KDM2B: variants seen among roughly 807,000 people sequenced by gnomAD.
The protein encoded by KDM2B is lysine demethylase 2B.
Under a neutral mutation model 150.0 loss-of-function variants are expected in KDM2B, and 26 were observed. The observed-to-expected ratio is 0.17, with a 90% CI of 0.13 to 0.24. The LOEUF (loss-of-function observed/expected upper bound fraction) is 0.24, where lower values mean the gene tolerates loss of function less well. KDM2B is among the 10% of genes least tolerant of loss of function. KDM2B has a pLI of 1.00. For synonymous variants in KDM2B, 734 were observed against 729.5 expected (o/e 1.01, Z -0.10); for missense variants, 1,265 against 1,816.9 (o/e 0.70, Z 5.52).
intron 22 of KDM2B, among the ~76,000 whole-genome samples, chr12:121,431,528 TAAA>T (rs1555285522): frequency 6.6e-6 from 1 of 152,086 alleles, no homozygotes; most frequent in East Asian, 1.9e-4. Flanking sequence ...TGAGTGGGAA[TAAA>T]AATACGAAGG....
At chr12:121,498,514 CAACT>C in intron 11 of KDM2B, among the ~76,000 whole-genome samples, 3 of 152,306 alleles carry the variant, frequency 2.0e-5, no homozygotes, top group Middle Eastern at 3.4e-3. Context: ...TAAATGTTAA[CAACT>C]AACTAAAACT....
intron 10 of KDM2B, among the ~76,000 whole-genome samples, chr12:121,510,742 A>T (rs1403210311): frequency 6.6e-6 from 1 of 151,988 alleles, no homozygotes; most frequent in Non-Finnish European, 1.5e-5. Flanking sequence ...GCAGTAAGCC[A>T]TGAATGCACC....
intron 4 of KDM2B, among the ~76,000 whole-genome samples, chr12:121,564,231 G>A (rs782020905): frequency 6.6e-6 from 1 of 152,094 alleles, no homozygotes; most frequent in Admixed American, 6.6e-5. Flanking sequence ...GCTGAAGCGG[G>A]TGGATCACGA....
chr12:121,477,579 C>CT (rs35681515), intron 12 of KDM2B, among the ~76,000 whole-genome samples: 80,187 of 134,682 alleles, frequency 0.6, 24,484 homozygotes, highest in African/African-American at 0.73. Flanking sequence ...TTTGTCTTTC[C>CT]TTTTTTTTTT....
chr12:121,554,976 A>G (rs1172642159), intron 4 of KDM2B, among the ~76,000 whole-genome samples: 1 of 152,150 alleles, frequency 6.6e-6, no homozygotes, highest in Non-Finnish European at 1.5e-5. Context: ...ACTTAAGCCC[A>G]GGAGTTCAAG....
chr12:121,577,978 A>G (rs1891621930), intron 2 of KDM2B, among the ~76,000 whole-genome samples: 1 of 152,162 alleles, frequency 6.6e-6, no homozygotes, highest in Non-Finnish European at 1.5e-5. Flanking sequence ...AAGGTCTCCA[A>G]AACCCTGGAG....
At position 121,520,847 on chromosome 12, in the gene KDM2B, A is replaced by G; in HGVS notation, c.1047+138T>C. On this transcript the variant is annotated intron_variant, in intron 9 of 22. Coordinates refer to ENST00000377071, the MANE Select transcript of KDM2B (RefSeq NM_032590.5). The surrounding 1 kb of genome is among the most constrained non-coding windows in gnomAD (Gnocchi z 4.5). The stretch of plus-strand genomic sequence containing the variant: ...CCCCCTCCCCCGCCACAGAACCAGG[A>G]CTGAAGCCAGCTTGAGAGAGGAATC... The G allele has an allele frequency of 5.6e-6, 2 of 360,186 alleles. No homozygotes were observed. Among genetic ancestry groups the G allele is most frequent in the Non-Finnish European group, 1.1e-5 (2 of 174,946 alleles). 22.3% of individuals were successfully genotyped at this position (360,186 alleles called of 1,614,324 possible). A position where few individuals can be genotyped will look rare whatever the true frequency, so the allele number is the denominator to read the frequency against.
At chr12:121,551,725 G>T (rs1395993640) in intron 4 of KDM2B, among the ~76,000 whole-genome samples, 1 of 151,914 alleles carries the variant, frequency 6.6e-6, no homozygotes, top group South Asian at 2.1e-4. Context: ...GCTCTTTTTC[G>T]TATTTTTAGT....
Position 121,521,171 on chromosome 12 carries a change from G to T in KDM2B, c.932-71C>A. The T allele has an allele frequency of 9.8e-7, 1 of 1,023,458 alleles. No individual in the cohort carries two copies. Among genetic ancestry groups the T allele is most frequent in the Non-Finnish European group, 1.4e-6 (1 of 693,044 alleles). 63.4% of individuals were successfully genotyped at this position (1,023,458 alleles called of 1,614,324 possible). ...GGCTCCCACACCTCACAAGGCTGCA[G>T]GGAGGGAGAGCGAGCGTGCAGGAGG... On this transcript the variant is annotated intron_variant, in intron 8 of 22. Coordinates refer to ENST00000377071, the MANE Select transcript of KDM2B (RefSeq NM_032590.5). This position sits in a 1 kb window ranked among gnomAD's most constrained non-coding sequence, Gnocchi z 4.9.
rs369989396 is a variant in KDM2B at position 121,517,472 on chromosome 12, C to CT, written c.1047+3512dup. ...CACAAAGGCAAATTCTTTTTCTTTTCTTTTTTTTTTTTTTGAGATGGAGTC... is the reference window on the plus strand; with the variant it reads ...CACAAAGGCAAATTCTTTTTCTTTTCTTTTTTTTTTTTTTTGAGATGGAGTC... On this transcript the variant is annotated intron_variant, in intron 9 of 22. Coordinates refer to ENST00000377071, the MANE Select transcript of KDM2B (RefSeq NM_032590.5). Among the ~76,000 whole-genome samples, 650 of 142,172 alleles carry CT rather than the reference C, an allele frequency of 4.6e-3. 3 individuals are homozygous for CT. Among genetic ancestry groups the CT allele is most frequent in the South Asian group, 0.021 (93 of 4,476 alleles). 93.3% of individuals were successfully genotyped at this position (142,172 alleles called of 152,430 possible).
intron 12 of KDM2B, among the ~76,000 whole-genome samples, chr12:121,484,846 A>G (rs1432814499): frequency 6.6e-6 from 1 of 152,112 alleles, no homozygotes; most frequent in African/African-American, 2.4e-5. Flanking sequence ...TTTAAAAAAT[A>G]AAAATAAATA....
chr12:121,450,049 C>G (rs1237843439), intron 13 of KDM2B, among the ~76,000 whole-genome samples: 1 of 152,134 alleles, frequency 6.6e-6, no homozygotes, highest in South Asian at 2.1e-4. Flanking sequence ...AGGCCAGATG[C>G]ACTGTAATCC....
chr12:121,496,632 C>A (rs1883974060), intron 11 of KDM2B, among the ~76,000 whole-genome samples: 1 of 151,868 alleles, frequency 6.6e-6, no homozygotes, highest in Admixed American at 6.6e-5. Context: ...GTAGCCGGGA[C>A]TACAAGTGCG....
At chr12:121,463,098 C>T (rs1393595114) in intron 12 of KDM2B, among the ~76,000 whole-genome samples, 1 of 151,224 alleles carries the variant, frequency 6.6e-6, no homozygotes, top group Non-Finnish European at 1.5e-5. Flanking sequence ...GGGTGGATCA[C>T]AAGGTCAGGA....
the KDM2B span, chr12:121,423,317 G>A: frequency 1.2e-5 from 16 of 1,325,460 alleles, no homozygotes; most frequent in East Asian, 5.0e-5. The surrounding 1 kb of genome is among the most constrained non-coding windows in gnomAD (Gnocchi z 4.3). Flanking sequence ...GCTCAGCTTC[G>A]GACTGGGAGG....
rs546038708 is a variant in KDM2B, at chr12:121,529,369, G to A, written c.931+3437C>T. 2.6e-5 allele frequency among the ~76,000 whole-genome samples: 4 copies of A among 152,302 alleles called. No individual in the cohort carries two copies. The South Asian group carries it at 6.2e-4, about 24-fold the overall frequency. Reference sequence around the variant, plus strand: ...CTCCATGAACCACGGACTGGGAGGCGTGAGGTCAGTGTGGCAGGAGGAGAG... The same window carrying A: ...CTCCATGAACCACGGACTGGGAGGCATGAGGTCAGTGTGGCAGGAGGAGAG... On this transcript the variant is annotated intron_variant, in intron 8 of 22. Transcript: ENST00000377071.
chr12:121,530,227 CAA>C (rs71453566), intron 8 of KDM2B, among the ~76,000 whole-genome samples: 94 of 65,752 alleles, frequency 1.4e-3, no homozygotes, highest in African/African-American at 3.1e-3. Context: ...GACTCCCTCT[CAA>C]AAAAAAAAAA....
Position 121,524,701 on chromosome 12 carries a change from C to G in KDM2B, c.932-3601G>C, listed in dbSNP as rs782734904. On this transcript the variant is annotated intron_variant, in intron 8 of 22. Transcript: ENST00000377071. ...CCCTCCTCCGATGGCCTCTCGACAGCCCAGGAAGCATGAGAGCCGGTGCTC... is the reference window on the plus strand; with the variant it reads ...CCCTCCTCCGATGGCCTCTCGACAGGCCAGGAAGCATGAGAGCCGGTGCTC... The G allele has an allele frequency of 7.3e-5, 33 of 454,226 alleles. 2 individuals carry two copies. Among genetic ancestry groups the G allele is most frequent in the South Asian group, 5.0e-4 (32 of 64,236 alleles). The allele number at this position is 454,226 out of a possible 1,614,324, so 28.1% of individuals were successfully genotyped here. A position where few individuals can be genotyped will look rare whatever the true frequency, so the allele number is the denominator to read the frequency against.
At chr12:121,499,369 C>G (rs1169227668) in intron 11 of KDM2B, among the ~76,000 whole-genome samples, 1 of 151,606 alleles carries the variant, frequency 6.6e-6, no homozygotes, top group Non-Finnish European at 1.5e-5. Flanking sequence ...GATCCACCCA[C>G]CTCGGCCTCC....
Sources: gnomAD v4.1 joint callset for allele counts (sites outside exome capture counted in the v4.1 genomes callset) on GRCh38, gnomAD v4.1.1 for gene constraint, Gnocchi (gnomAD v3.1) non-coding constraint, MANE v1.5 for transcripts, NCBI Gene and HGNC (gene_info 2026-07-23, HGNC 2026-07-21) for gene names.